Variants in SCN11A observed in about 807,000 individuals in gnomAD.
SCN11A encodes the protein sodium voltage-gated channel alpha subunit 11, also known as sodium channel protein type 11 subunit alpha.
A neutral mutation model predicts 162.2 loss-of-function variants in SCN11A; 122 were observed. The ratio of observed to expected loss-of-function variants is 0.75; its 90% CI spans 0.65 to 0.87. SCN11A has a LOEUF of 0.87. Among genes scored for constraint, SCN11A ranks in the 40% least tolerant of loss-of-function variants. The pLI is 0.00. For missense variants in SCN11A, 2,015 were observed against 2,181.6 expected (o/e 0.92, Z 1.52); for synonymous variants, 758 against 751.5 (o/e 1.01, Z -0.14).
chr3:38,863,969 C>A (rs1193584422), intron 27 of SCN11A, among the ~76,000 whole-genome samples: 1 of 152,014 alleles, frequency 6.6e-6, no homozygotes, highest in Non-Finnish European at 1.5e-5. Context: ...AGTAAATTAG[C>A]CCAAAGCCAT....
chr3:39,020,017 G>A (rs990954853), intron 2 of SCN11A, among the ~76,000 whole-genome samples: 2 of 152,138 alleles, frequency 1.3e-5, no homozygotes, highest in African/African-American at 4.8e-5. Flanking sequence ...GAGTCAGAAG[G>A]CTGAGGTTTA....
Position 38,847,768 on chromosome 3 carries a change from A to C in SCN11A, c.4328-26T>G, listed in dbSNP as rs2064700761. On this transcript the variant is annotated intron_variant, in intron 29 of 29. Coordinates refer to ENST00000302328, the MANE Select transcript of SCN11A (RefSeq NM_001349253.2). Reference sequence around the variant, plus strand: ...CTCAGGAGAAGGAGAAAAGTAAATAAGTTTCCAGAAGGCACACTGGTTTCA... The same window carrying C: ...CTCAGGAGAAGGAGAAAAGTAAATACGTTTCCAGAAGGCACACTGGTTTCA... The C allele has an allele frequency of 5.5e-6, 8 of 1,448,672 alleles. No homozygotes were observed. The Admixed American group carries it at 1.2e-4, about 21-fold the overall frequency. The allele number at this position is 1,448,672 out of a possible 1,614,324, so 89.7% of individuals were successfully genotyped here.
intron 10 of SCN11A, 80 bp downstream of exon 10, chr3:38,920,996 G>T: frequency 7.7e-7 from 1 of 1,299,414 alleles, no homozygotes; most frequent in Non-Finnish European, 1.1e-6. Flanking sequence ...TGTAAGGGAA[G>T]TGTGAAGGCA....
intron 28 of SCN11A, among the ~76,000 whole-genome samples, chr3:38,860,459 T>C (rs1284556961): frequency 9.2e-5 from 14 of 152,064 alleles, no homozygotes; most frequent in Non-Finnish European, 1.5e-5. Flanking sequence ...TACAGACCAA[T>C]ATTCCTGATG....
At chr3:39,045,456 A>G (rs912381153) in intron 1 of SCN11A, among the ~76,000 whole-genome samples, 16 of 152,232 alleles carry the variant, frequency 1.1e-4, no homozygotes, top group African/African-American at 3.9e-4. Context: ...GATCAAGTAG[A>G]TTTATTTCAG....
intron 1 of SCN11A, among the ~76,000 whole-genome samples, chr3:39,042,974 A>AAAAAAAAAG (rs56332636): frequency 2.7e-4 from 28 of 103,658 alleles, no homozygotes; most frequent in African/African-American, 8.1e-4. Context: ...AAAAAAAAAA[A>AAAAAAAAAG]AAAAAGAAAA....
intron 2 of SCN11A, among the ~76,000 whole-genome samples, chr3:38,987,297 T>TCACACA (rs1395412357): frequency 4.6e-4 from 54 of 117,178 alleles, no homozygotes; most frequent in Middle Eastern, 4.1e-3. Context: ...TCTCTCTCTC[T>TCACACA]CTCTCTCACA....
intron 4 of SCN11A, 198 bp from the exon 5 acceptor site, chr3:38,950,567 T>C (rs1030695194): frequency 3.4e-6 from 2 of 582,656 alleles, no homozygotes; most frequent in African/African-American, 3.7e-5. Flanking sequence ...CAGGAACTTT[T>C]GGCATAGACA....
chr3:39,049,194 A>C (rs1559586496), intron 1 of SCN11A, among the ~76,000 whole-genome samples: 1 of 152,268 alleles, frequency 6.6e-6, no homozygotes. Flanking sequence ...CCTACAGGAC[A>C]GTATCAAAAA....
chr3:38,890,371 GTATAAGTCTAAGAGTGT>G (rs2065479247), intron 19 of SCN11A, among the ~76,000 whole-genome samples: 1 of 152,226 alleles, frequency 6.6e-6, no homozygotes, highest in East Asian at 1.9e-4. Flanking sequence ...GTGTGGGGAA[GTATAAGTCTAAGAGTGT>G]TCTTGAAAAC....
Position 38,896,825 on chromosome 3 carries a change from A to G in SCN11A, c.2403+20T>C, listed in dbSNP as rs1559515290. 5.0e-6 allele frequency: 7 copies of G among 1,392,614 alleles called. No homozygotes were observed. The highest frequency in any genetic ancestry group is 5.6e-6 in the Non-Finnish European group (6 of 1,066,702). 86.3% of individuals were successfully genotyped at this position (1,392,614 alleles called of 1,614,324 possible). ...TGTAGGATCTTTTTTTTTTTTTTGA[A>G]AAAAATCTAAGACACATACCACAAG... On this transcript the variant is annotated intron_variant, in intron 18 of 29. Coordinates refer to ENST00000302328, the MANE Select transcript of SCN11A (RefSeq NM_001349253.2).
intron 11 of SCN11A, 83 bp downstream of exon 11, chr3:38,919,852 A>ATTCTAGAGCT (rs2066016705): frequency 1.1e-6 from 1 of 913,106 alleles, no homozygotes; most frequent in Non-Finnish European, 1.8e-6. Context: ...TGTGTCCACC[A>ATTCTAGAGCT]GTCATTAAAG....
At chr3:39,044,280 C>A (rs1307243429) in intron 1 of SCN11A, among the ~76,000 whole-genome samples, 2 of 152,052 alleles carry the variant, frequency 1.3e-5, no homozygotes, top group African/African-American at 2.4e-5. Flanking sequence ...AGAAAATCAA[C>A]CAAGAAACAT....
chr3:38,984,365 A>G (rs78768764), intron 2 of SCN11A, among the ~76,000 whole-genome samples: 2,396 of 152,350 alleles, frequency 0.016, 29 homozygotes, highest in Non-Finnish European at 0.024. Flanking sequence ...TTTAAATAAG[A>G]AAGAGCTGGT....
Position 38,919,930 on chromosome 3 carries a change from C to G in SCN11A, c.959+5G>C, listed in dbSNP as rs373324936. ...TTGGGAGGAAAATGATTATAAACCT[C>G]TTACCTGTTACCCATCCAGATGCCA... On this transcript the variant is annotated splice_donor_5th_base_variant and intron_variant, in intron 11 of 29. Coordinates refer to ENST00000302328, the MANE Select transcript of SCN11A (RefSeq NM_001349253.2). The G allele has an allele frequency of 2.5e-6, 4 of 1,609,348 alleles. No individual in the cohort carries two copies. The highest frequency in any genetic ancestry group is 3.4e-6 in the Non-Finnish European group (4 of 1,175,832).
chr3:38,890,330 C>A (rs978372985), intron 19 of SCN11A, among the ~76,000 whole-genome samples: 19 of 152,162 alleles, frequency 1.2e-4, no homozygotes, highest in Non-Finnish European at 2.6e-4. Flanking sequence ...CTGAAGCTCT[C>A]CATAGAACTG....
chr3:38,920,440 C>T (rs933144037), intron 10 of SCN11A, among the ~76,000 whole-genome samples: 3 of 152,130 alleles, frequency 2.0e-5, no homozygotes, highest in African/African-American at 7.2e-5. Flanking sequence ...CGCCTGTAAT[C>T]CCAGCACTTT....
intron 1 of SCN11A, among the ~76,000 whole-genome samples, chr3:39,038,739 A>G (rs1296520592): frequency 6.6e-6 from 1 of 152,226 alleles, no homozygotes; most frequent in African/African-American, 2.4e-5. Flanking sequence ...ACATTCTGAT[A>G]CTTATGGACT....
intron 1 of SCN11A, among the ~76,000 whole-genome samples, chr3:39,043,068 C>T (rs1421895444): frequency 1.3e-5 from 2 of 151,450 alleles, no homozygotes; most frequent in African/African-American, 4.9e-5. Context: ...TGAAAAAGTG[C>T]TCAACATCAT....
Sources: allele counts gnomAD v4.1 joint callset (sites outside exome capture counted in the v4.1 genomes callset), GRCh38; gene constraint gnomAD v4.1.1; transcripts MANE v1.5; gene names NCBI Gene and HGNC (gene_info 2026-07-23, HGNC 2026-07-21).